The following MAN1A1 variants were observed in gnomAD, a reference collection of about 807,000 sequenced individuals.
The protein encoded by MAN1A1 is mannosidase alpha class 1A member 1.
In MAN1A1, 29 loss-of-function variants were observed where a neutral mutation model predicts 70.8. The ratio of observed to expected loss-of-function variants is 0.41; its 90% CI spans 0.31 to 0.56. MAN1A1 has a LOEUF of 0.56. MAN1A1 is among the 20% of genes least tolerant of loss of function. MAN1A1 has a pLI of 0.29. For synonymous variants in MAN1A1, 349 were observed against 330.1 expected (o/e 1.06, Z -0.62); for missense variants, 747 against 841.3 (o/e 0.89, Z 1.39).
At position 119,348,955 on chromosome 6, in the gene MAN1A1, G is replaced by A; in HGVS notation, c.111C>T (p.Arg37=). Reference sequence around the variant, plus strand: ...GCAGCAGCACGAACTTCTCCGTCAGGCGGAGGGCGGCGGGGCCCGACCCCT... The same window carrying A: ...GCAGCAGCACGAACTTCTCCGTCAGACGGAGGGCGGCGGGGCCCGACCCCT... ...GRKGSGPAAL[R]LTEKFVLLLV... The change falls in exon 2 of 13, where the codon CGC becomes CGT. Residue 37 remains arginine (R), a synonymous_variant. Transcript: ENST00000368468. 6.6e-7 allele frequency: 1 copy of A among 1,525,130 alleles called. No homozygotes were observed. The highest frequency in any genetic ancestry group is 1.2e-5 in the South Asian group (1 of 81,176). The allele number at this position is 1,525,130 out of a possible 1,614,324, so 94.5% of individuals were successfully genotyped here. A position where few individuals can be genotyped will look rare whatever the true frequency, so the allele number is the denominator to read the frequency against.
intron 4 of MAN1A1, among the ~76,000 whole-genome samples, chr6:119,294,093 A>C (rs1281966120): frequency 6.6e-6 from 1 of 152,062 alleles, no homozygotes; most frequent in South Asian, 2.1e-4. Flanking sequence ...TAGAATCATA[A>C]ATACTCATCT....
At chr6:119,348,007 C>G (rs986034578) in intron 2 of MAN1A1, among the ~76,000 whole-genome samples, 10 of 152,218 alleles carry the variant, frequency 6.6e-5, no homozygotes, top group African/African-American at 2.4e-4. Context: ...AGAATGCCAC[C>G]TGGCAGACAA....
intron 6 of MAN1A1, among the ~76,000 whole-genome samples, chr6:119,209,009 C>T (rs960688445): frequency 1.3e-5 from 2 of 148,392 alleles, no homozygotes; most frequent in African/African-American, 5.0e-5. Flanking sequence ...GCAGGAGGAT[C>T]ACTTGAGCCT....
intron 6 of MAN1A1, among the ~76,000 whole-genome samples, chr6:119,247,695 G>C (rs1181878419): frequency 6.6e-6 from 1 of 152,046 alleles, no homozygotes; most frequent in Non-Finnish European, 1.5e-5. Context: ...GGCATATCAG[G>C]GTTCTCCACC....
chr6:119,336,389 C>T (rs1773450893), intron 2 of MAN1A1, among the ~76,000 whole-genome samples: 3 of 152,136 alleles, frequency 2.0e-5, no homozygotes, highest in Admixed American at 1.3e-4. Flanking sequence ...TTTTAACATG[C>T]CCTCCAGGTG....
intron 2 of MAN1A1, among the ~76,000 whole-genome samples, chr6:119,345,048 CCTGA>C (rs1773690086): frequency 6.6e-6 from 1 of 152,038 alleles, no homozygotes; most frequent in Admixed American, 6.6e-5. Flanking sequence ...CCTCTGACAA[CCTGA>C]CTGTCTTTAG....
intron 2 of MAN1A1, among the ~76,000 whole-genome samples, chr6:119,322,731 A>G (rs1773045775): frequency 6.6e-6 from 1 of 152,216 alleles, no homozygotes; most frequent in African/African-American, 2.4e-5. Flanking sequence ...GTATTTCCCC[A>G]TATTTCACTG....
At chr6:119,293,156 AT>A (rs1401626259) in intron 4 of MAN1A1, among the ~76,000 whole-genome samples, 1 of 151,994 alleles carries the variant, frequency 6.6e-6, no homozygotes, top group Non-Finnish European at 1.5e-5. Context: ...TGCCGTGAAA[AT>A]TTTGGATAAT....
At chr6:119,179,973 G>A (rs878953630) in intron 12 of MAN1A1, 28 bp from the exon 13 acceptor site, 1 of 1,609,798 alleles carries the variant, frequency 6.2e-7, no homozygotes, top group African/African-American at 1.3e-5. Context: ...AGTATATGAG[G>A]CCCAAGACAC....
At chr6:119,311,191 A>AT (rs745887654) in intron 2 of MAN1A1, among the ~76,000 whole-genome samples, 10 of 152,230 alleles carry the variant, frequency 6.6e-5, no homozygotes, top group Non-Finnish European at 1.2e-4. Context: ...TAAGTGCTCA[A>AT]TGCATTTTAG....
chr6:119,178,155 A>T lies in MAN1A1; in HGVS notation c.*1664T>A, dbSNP rs1357576998. ...CATACACCAATGTATGATATTGAAA[A>T]ACAGAAAGCAGGTCATAAAGATGGT... is the stretch of plus-strand genomic sequence containing the variant. On this transcript the variant is annotated 3_prime_UTR_variant, in exon 13 of 13. Transcript: ENST00000368468. 6.6e-6 allele frequency: 1 copy of T among 152,144 alleles called. No individual in the cohort carries two copies. Among genetic ancestry groups the T allele is most frequent in the Non-Finnish European group, 1.5e-5 (1 of 67,974 alleles). 9.4% of individuals were successfully genotyped at this position (152,144 alleles called of 1,614,324 possible).
chr6:119,336,200 G>C (rs1333694589), intron 2 of MAN1A1, among the ~76,000 whole-genome samples: 1 of 152,150 alleles, frequency 6.6e-6, no homozygotes, highest in East Asian at 1.9e-4. Context: ...CTCCCGAGTA[G>C]CTGGGACTAC....
At chr6:119,231,454 C>A (rs934896645) in intron 6 of MAN1A1, among the ~76,000 whole-genome samples, 3 of 152,294 alleles carry the variant, frequency 2.0e-5, no homozygotes, top group African/African-American at 7.2e-5. Context: ...CCCAGCAATG[C>A]GGAACTGTGA....
At chr6:119,197,654 G>A (rs184412782) in intron 8 of MAN1A1, among the ~76,000 whole-genome samples, 11 of 152,282 alleles carry the variant, frequency 7.2e-5, no homozygotes, top group Non-Finnish European at 1.5e-5. Flanking sequence ...GGAGGGCTAA[G>A]GAAATGGCAC....
At chr6:119,244,627 A>G (rs989394795) in intron 6 of MAN1A1, among the ~76,000 whole-genome samples, 3 of 152,086 alleles carry the variant, frequency 2.0e-5, no homozygotes, top group African/African-American at 7.2e-5. Flanking sequence ...GCATATATTC[A>G]GCTTGCACAA....
chr6:119,182,650 A>G lies in MAN1A1; in HGVS notation c.1720-2223T>C, dbSNP rs1014506592. Reference sequence around the variant, plus strand: ...CTAATCCTATTAATTATATGGTCAAATAAAAATTTCCATCGTACAAAAATT... The same window carrying G: ...CTAATCCTATTAATTATATGGTCAAGTAAAAATTTCCATCGTACAAAAATT... On this transcript the variant is annotated intron_variant, in intron 11 of 12. Transcript: ENST00000368468. Among the ~76,000 whole-genome samples the G allele has an allele frequency of 8.5e-5, 13 of 152,122 alleles. 1 individual carries two copies. The highest frequency in any genetic ancestry group is 1.6e-4 in the Non-Finnish European group (11 of 68,028).
chr6:119,293,022 C>G (rs1042787401), intron 4 of MAN1A1, among the ~76,000 whole-genome samples: 5 of 151,952 alleles, frequency 3.3e-5, no homozygotes, highest in Non-Finnish European at 5.9e-5. Flanking sequence ...TCAATTAGTA[C>G]TTGTGTTTTT....
chr6:119,276,680 C>G (rs1350593069), intron 5 of MAN1A1, among the ~76,000 whole-genome samples: 1 of 152,122 alleles, frequency 6.6e-6, no homozygotes, highest in Admixed American at 6.5e-5. Context: ...TCAGAGAAAA[C>G]TAAGGAAGTC....
At chr6:119,312,417 G>C (rs1397099100) in intron 2 of MAN1A1, among the ~76,000 whole-genome samples, 2 of 152,152 alleles carry the variant, frequency 1.3e-5, no homozygotes, top group Admixed American at 6.5e-5. Flanking sequence ...ACAGAACGGA[G>C]AGACACAGAT....
Sources: allele counts gnomAD v4.1 joint callset (sites outside exome capture counted in the v4.1 genomes callset), GRCh38; gene constraint gnomAD v4.1.1; transcripts MANE v1.5; gene names NCBI Gene and HGNC (gene_info 2026-07-23, HGNC 2026-07-21).